The following RPAP2 variants were observed in gnomAD, a reference collection of about 807,000 sequenced individuals.
RPAP2 encodes putative RNA polymerase II subunit B1 CTD phosphatase RPAP2.
Under a neutral mutation model 73.1 loss-of-function variants are expected in RPAP2, and 52 were observed. The ratio of observed to expected loss-of-function variants is 0.71; its 90% CI spans 0.57 to 0.90. RPAP2 has a LOEUF of 0.90. Ranked by LOEUF, RPAP2 falls within the 40% of genes least tolerant of loss-of-function variation. The pLI, the probability that RPAP2 is intolerant of heterozygous loss-of-function variation, is 0.00. For missense variants in RPAP2, 598 were observed against 701.8 expected (o/e 0.85, Z 1.67); for synonymous variants, 225 against 242.1 (o/e 0.93, Z 0.65).
At chr1:92,336,232 G>A (rs1653269042) in intron 9 of RPAP2, 115 bp from the exon 10 acceptor site, 1 of 692,090 alleles carries the variant, frequency 1.4e-6, no homozygotes, top group Non-Finnish European at 2.5e-6. Context: ...TTTAAATCAT[G>A]ACTGCTTCCA....
intron 8 of RPAP2, 35 bp downstream of exon 8, chr1:92,324,410 T>G: frequency 6.7e-7 from 1 of 1,501,288 alleles, no homozygotes; most frequent in East Asian, 2.3e-5. Context: ...TTCCAGATCG[T>G]TAACATTTGG....
chr1:92,375,048 G>C (rs753376174), intron 11 of RPAP2, among the ~76,000 whole-genome samples: 7 of 152,102 alleles, frequency 4.6e-5, no homozygotes, highest in Non-Finnish European at 1.0e-4. Flanking sequence ...CATGTTAAAT[G>C]AATCTGGAAA....
intron 8 of RPAP2, among the ~76,000 whole-genome samples, chr1:92,329,019 C>T (rs1436416278): frequency 1.3e-5 from 2 of 152,220 alleles, no homozygotes; most frequent in Non-Finnish European, 2.9e-5. Context: ...TGGATACCAG[C>T]ACCTGCTCCA....
chr1:92,396,084 A>G lies in RPAP2; in HGVS notation c.*9073A>G, dbSNP rs1400854577. The G allele has an allele frequency of 1.3e-5, 2 of 152,226 alleles. No individual in the cohort carries two copies. Among genetic ancestry groups the G allele is most frequent in the Non-Finnish European group, 2.9e-5 (2 of 68,042 alleles). 9.4% of individuals were successfully genotyped at this position (152,226 alleles called of 1,614,324 possible). A position where few individuals can be genotyped will look rare whatever the true frequency, so the allele number is the denominator to read the frequency against. On this transcript the variant is annotated 3_prime_UTR_variant, in exon 13 of 13. Transcript: ENST00000610020. Reference sequence around the variant, plus strand: ...CATAAGTTTACCATATGATCCTGCTATTCCATGAGAAGAGAAGTGGAAATG... The same window carrying G: ...CATAAGTTTACCATATGATCCTGCTGTTCCATGAGAAGAGAAGTGGAAATG...
intron 6 of RPAP2, among the ~76,000 whole-genome samples, chr1:92,313,275 G>A (rs994528006): frequency 5.3e-5 from 8 of 152,096 alleles, no homozygotes; most frequent in Non-Finnish European, 7.4e-5. Flanking sequence ...ATACCTTTAG[G>A]AAATGTATGT....
At chr1:92,385,388 ATTAT>A (rs1362159429) in intron 12 of RPAP2, among the ~76,000 whole-genome samples, 5 of 152,164 alleles carry the variant, frequency 3.3e-5, no homozygotes, top group Admixed American at 2.6e-4. Flanking sequence ...CCCTATGATC[ATTAT>A]TTATTTACAT....
intron 6 of RPAP2, 109 bp from the exon 7 acceptor site, chr1:92,320,490 C>A: frequency 1.3e-6 from 1 of 764,968 alleles, no homozygotes; most frequent in South Asian, 1.7e-5. Context: ...CCAGGATGGT[C>A]TCAATCTCCT....
At position 92,323,851 on chromosome 1, in the gene RPAP2, G is replaced by A. The variant is rs1652461534; in HGVS notation, c.931G>A (p.Ala311Thr). 2 of 1,613,874 alleles carry A rather than the reference G, an allele frequency of 1.2e-6. No individual in the cohort carries two copies. Among genetic ancestry groups the A allele is most frequent in the Non-Finnish European group, 1.7e-6 (2 of 1,179,968 alleles). ...TAGCACTTTGCCTGAAAGATTAAAA[G>A]CGTCAGAAAATTCTGAAAGTGAATA... ...SNSTLPERLK[A>T]SENSESEYSR... Residue 311 changes from alanine to threonine, a missense_variant, in exon 8 of 13, where the codon GCG (alanine) becomes ACG (threonine). Physicochemically the swap from Ala to Thr is moderately conservative, Grantham distance 58. Transcript: ENST00000610020.
chr1:92,349,771 T>C (rs1284908167), intron 11 of RPAP2, among the ~76,000 whole-genome samples: 2 of 151,968 alleles, frequency 1.3e-5, no homozygotes, highest in African/African-American at 4.8e-5. Flanking sequence ...CTACAAAAAA[T>C]AAAAACATTA....
chr1:92,321,893 ATTCCTGTAAT>A (rs1652286696), intron 7 of RPAP2, among the ~76,000 whole-genome samples: 1 of 148,964 alleles, frequency 6.7e-6, no homozygotes, highest in African/African-American at 2.5e-5. Flanking sequence ...TCTAAACACA[ATTCCTGTAAT>A]TTTTTTTTTT....
At chr1:92,383,128 A>G (rs1481782884) in intron 12 of RPAP2, among the ~76,000 whole-genome samples, 1 of 152,106 alleles carries the variant, frequency 6.6e-6, no homozygotes, top group Non-Finnish European at 1.5e-5. Flanking sequence ...ATTCATCTAT[A>G]TCTCTGTTTT....
At chr1:92,307,163 A>T in intron 5 of RPAP2, 25 bp from the exon 6 acceptor site, 1 of 1,520,382 alleles carries the variant, frequency 6.6e-7, no homozygotes, top group Non-Finnish European at 9.1e-7. Flanking sequence ...TAAGAAAAAA[A>T]CTAGATTTAT....
chr1:92,346,547 A>G (rs1010493677), intron 11 of RPAP2, among the ~76,000 whole-genome samples: 1 of 152,204 alleles, frequency 6.6e-6, no homozygotes, highest in Admixed American at 6.5e-5. Context: ...GTAGTCTATT[A>G]TATTAACATT....
intron 2 of RPAP2, among the ~76,000 whole-genome samples, chr1:92,300,583 CTT>C (rs1650767826): frequency 6.6e-6 from 1 of 152,180 alleles, no homozygotes; most frequent in South Asian, 2.1e-4. Context: ...CTTTTCTGTT[CTT>C]TGTTACATCA....
At chr1:92,329,497 C>T (rs1652835275) in intron 8 of RPAP2, among the ~76,000 whole-genome samples, 1 of 152,210 alleles carries the variant, frequency 6.6e-6, no homozygotes. Context: ...ATGAGCAGGG[C>T]TGAGAACTTG....
intron 11 of RPAP2, among the ~76,000 whole-genome samples, chr1:92,368,659 A>G (rs1655025488): frequency 6.6e-6 from 1 of 152,210 alleles, no homozygotes. Flanking sequence ...TGATTCAGTT[A>G]TCTTGCCCAA....
At chr1:92,319,415 G>A (rs888590697) in intron 6 of RPAP2, among the ~76,000 whole-genome samples, 3 of 152,062 alleles carry the variant, frequency 2.0e-5, no homozygotes, top group Non-Finnish European at 2.9e-5. Context: ...TAGCTACATC[G>A]TTGTTATGAG....
At chr1:92,375,419 G>T (rs1246493253) in intron 11 of RPAP2, among the ~76,000 whole-genome samples, 1 of 152,170 alleles carries the variant, frequency 6.6e-6, no homozygotes, top group Non-Finnish European at 1.5e-5. Context: ...GAAAGGGCCG[G>T]TGCAGTGGCT....
In RPAP2 at chr1:92,380,981, T is replaced by C. The variant is rs1432030505; in HGVS notation, c.1838+108T>C. On this transcript the variant is annotated intron_variant, in intron 12 of 12. Transcript: ENST00000610020. The stretch of plus-strand genomic sequence containing the variant: ...TAAAAACCAAGTACAGACCTCAAGA[T>C]GCCCTCAGTTTGCTAAGGAAGGACA... The C allele has an allele frequency of 9.1e-6, 8 of 882,596 alleles. No individual in the cohort carries two copies. In the Admixed American group the frequency reaches 2.5e-4, roughly 28 times the overall value. 54.7% of individuals were successfully genotyped at this position (882,596 alleles called of 1,614,324 possible).
Sources: gnomAD v4.1 joint callset for allele counts (sites outside exome capture counted in the v4.1 genomes callset) on GRCh38, gnomAD v4.1.1 for gene constraint, MANE v1.5 for transcripts, NCBI Gene and HGNC (gene_info 2026-07-23, HGNC 2026-07-21) for gene names.